Variants in THSD7B observed in about 807,000 individuals in gnomAD.
The protein encoded by THSD7B is thrombospondin type-1 domain-containing protein 7B.
In THSD7B, 138 loss-of-function variants were observed where a neutral mutation model predicts 213.6. That is an observed-to-expected ratio of 0.65 (90% CI 0.56 to 0.74). The LOEUF (loss-of-function observed/expected upper bound fraction) is 0.74. THSD7B is among the 30% of genes least tolerant of loss of function. THSD7B has a pLI of 0.00. For synonymous variants in THSD7B, 742 were observed against 687.0 expected (o/e 1.08, Z -1.25); for missense variants, 1,931 against 1,991.5 (o/e 0.97, Z 0.58).
chr2:137,142,947 C>T (rs1479882871), intron 5 of THSD7B, among the ~76,000 whole-genome samples: 1 of 152,072 alleles, frequency 6.6e-6, no homozygotes, highest in Admixed American at 6.6e-5. Context: ...TCTATTCATG[C>T]AGAAAGTTAC....
chr2:136,882,551 G>A (rs745418847), intron 2 of THSD7B, among the ~76,000 whole-genome samples: 4 of 152,102 alleles, frequency 2.6e-5, no homozygotes, highest in Non-Finnish European at 5.9e-5. Flanking sequence ...TTAAAGTTAT[G>A]ATTTCCATAG....
chr2:137,055,571 G>C (rs187776140), intron 2 of THSD7B, among the ~76,000 whole-genome samples: 1 of 152,110 alleles, frequency 6.6e-6, no homozygotes, highest in Non-Finnish European at 1.5e-5. Context: ...TATGATAAAC[G>C]TCAATGGGCA....
At chr2:136,957,438 T>G (rs1425169076) in intron 2 of THSD7B, among the ~76,000 whole-genome samples, 3 of 39,156 alleles carry the variant, frequency 7.7e-5, no homozygotes, top group African/African-American at 1.9e-4. Flanking sequence ...CAATACAACG[T>G]TTTTTTTTTT....
chr2:137,427,517 A>G (rs78390171), intron 14 of THSD7B, among the ~76,000 whole-genome samples: 4 of 151,056 alleles, frequency 2.6e-5, no homozygotes, highest in Admixed American at 2.6e-4. Context: ...ATTCAGTCTG[A>G]AAAAAAAACC....
chr2:137,212,075 T>C (rs2105034757), intron 7 of THSD7B, among the ~76,000 whole-genome samples: 1 of 152,220 alleles, frequency 6.6e-6, no homozygotes, highest in South Asian at 2.1e-4. Context: ...TGATGTTTTC[T>C]AATATAACCT....
intron 15 of THSD7B, among the ~76,000 whole-genome samples, chr2:137,546,547 C>T (rs192703100): frequency 2.5e-5 from 3 of 120,462 alleles, no homozygotes; most frequent in East Asian, 2.4e-4. Context: ...GGTTTACAAA[C>T]GTTTTTCTTT....
At chr2:136,965,773 C>T (rs1685303880) in intron 2 of THSD7B, among the ~76,000 whole-genome samples, 1 of 152,102 alleles carries the variant, frequency 6.6e-6, no homozygotes, top group African/African-American at 2.4e-5. Context: ...CCTCCTACCT[C>T]CAAACTTGTA....
At chr2:136,896,311 T>C (rs1683958746) in intron 2 of THSD7B, among the ~76,000 whole-genome samples, 1 of 152,238 alleles carries the variant, frequency 6.6e-6, no homozygotes, top group Admixed American at 6.5e-5. Flanking sequence ...TTAATTTGCA[T>C]TTCACTATAT....
chr2:137,393,458 A>T (rs1042585308), intron 12 of THSD7B, among the ~76,000 whole-genome samples: 1 of 148,982 alleles, frequency 6.7e-6, no homozygotes, highest in Non-Finnish European at 1.5e-5. Context: ...ATGATTTCCA[A>T]TTTCATCCAT....
intron 2 of THSD7B, among the ~76,000 whole-genome samples, chr2:136,886,760 A>C (rs879771276): frequency 1.3e-5 from 2 of 152,136 alleles, no homozygotes; most frequent in African/African-American, 2.4e-5. Context: ...GGAAGAGTGG[A>C]GTTGCTGTCA....
chr2:137,245,890 G>A (rs549613664), intron 10 of THSD7B, among the ~76,000 whole-genome samples: 1 of 152,144 alleles, frequency 6.6e-6, no homozygotes, highest in Non-Finnish European at 1.5e-5. Flanking sequence ...CAAGTCCCCT[G>A]GGGATCTTAT....
intron 17 of THSD7B, among the ~76,000 whole-genome samples, chr2:137,614,062 A>G (rs998968948): frequency 2.6e-5 from 4 of 152,158 alleles, no homozygotes; most frequent in African/African-American, 9.7e-5. Context: ...AGTCACCTAC[A>G]CAATCCTCTT....
At chr2:137,276,063 C>A in intron 12 of THSD7B, 37 bp downstream of exon 12, 3 of 1,465,748 alleles carry the variant, frequency 2.0e-6, no homozygotes, top group South Asian at 1.2e-5. Context: ...TTTATTAATA[C>A]GTAAGTTAAC....
At position 137,589,430 on chromosome 2, in the gene THSD7B, T is replaced by A. The variant is rs544696369; in HGVS notation, c.3423+16874T>A. Among the ~76,000 whole-genome samples the A allele has an allele frequency of 1.3e-5, 2 of 152,310 alleles. 1 individual carries two copies. Among genetic ancestry groups the A allele is most frequent in the Admixed American group, 1.3e-4 (2 of 15,310 alleles). On this transcript the variant is annotated intron_variant, in intron 17 of 27. Coordinates refer to ENST00000409968, the MANE Select transcript of THSD7B (RefSeq NM_001316349.2). Reference sequence around the variant, plus strand: ...AAATCTTAAGCAATTTATATCTACATTTTTAAAATTCAACCCTTTCCTTAC... The same window carrying A: ...AAATCTTAAGCAATTTATATCTACAATTTTAAAATTCAACCCTTTCCTTAC...
At chr2:137,275,840 T>G (rs1182022090) in intron 11 of THSD7B, 83 bp from the exon 12 acceptor site, 6 of 1,066,080 alleles carry the variant, frequency 5.6e-6, no homozygotes, top group Non-Finnish European at 6.8e-6. Context: ...CTTTACTTTT[T>G]TTAAACTTCA....
intron 20 of THSD7B, among the ~76,000 whole-genome samples, chr2:137,629,847 G>A (rs542584902): frequency 6.6e-6 from 1 of 152,230 alleles, no homozygotes; most frequent in South Asian, 2.1e-4. Context: ...TAGCTCTTGT[G>A]ACTAATGTTT....
At chr2:136,868,370 A>G (rs1180351485) in intron 1 of THSD7B, among the ~76,000 whole-genome samples, 1 of 152,236 alleles carries the variant, frequency 6.6e-6, no homozygotes, top group Non-Finnish European at 1.5e-5. Context: ...ATGGCAAATT[A>G]CTAATGGTCA....
chr2:137,538,457 A>G (rs768381579), intron 15 of THSD7B: 1 of 513,822 alleles, frequency 1.9e-6, no homozygotes, highest in Admixed American at 2.0e-5. Flanking sequence ...CCTTTTGCTT[A>G]TCATGCACTG....
In THSD7B at chr2:136,858,083, C is replaced by T. The variant is rs1683203032; in HGVS notation, c.-35-24061C>T. ...TTTATTTTGGATGGTAATAGCATTACAAACAGATGTCTTACAAGCATAATT... is the reference window on the plus strand; with the variant it reads ...TTTATTTTGGATGGTAATAGCATTATAAACAGATGTCTTACAAGCATAATT... On this transcript the variant is annotated intron_variant, in intron 1 of 27. Transcript: ENST00000409968. Among the ~76,000 whole-genome samples the T allele has an allele frequency of 2.6e-5, 4 of 152,080 alleles. No homozygotes were observed. The South Asian group carries it at 8.3e-4, about 31-fold the overall frequency.
Sources: allele counts gnomAD v4.1 joint callset (sites outside exome capture counted in the v4.1 genomes callset), GRCh38; gene constraint gnomAD v4.1.1; transcripts MANE v1.5; gene names NCBI Gene and HGNC (gene_info 2026-07-23, HGNC 2026-07-21).